CTNND2: variants seen among roughly 807,000 people sequenced by gnomAD.
CTNND2 encodes catenin delta 2, also known as catenin delta-2.
In CTNND2, 22 loss-of-function variants were observed where a neutral mutation model predicts 144.4. The ratio of observed to expected loss-of-function variants is 0.15; its 90% CI spans 0.11 to 0.22. CTNND2 has a LOEUF of 0.22. CTNND2 is among the 10% of genes least tolerant of loss of function. The pLI, the probability that CTNND2 is intolerant of heterozygous loss-of-function variation, is 1.00. For missense variants in CTNND2, 1,353 were observed against 1,618.8 expected (o/e 0.84, Z 2.82); for synonymous variants, 751 against 695.6 (o/e 1.08, Z -1.25).
chr5:11,806,290 C>T (rs1791992413), intron 1 of CTNND2, among the ~76,000 whole-genome samples: 1 of 152,082 alleles, frequency 6.6e-6, no homozygotes, highest in Non-Finnish European at 1.5e-5. Context: ...GTACTATCTT[C>T]TCAACTTTTC....
chr5:11,198,025 C>T (rs531189939), intron 11 of CTNND2, among the ~76,000 whole-genome samples: 23 of 152,284 alleles, frequency 1.5e-4, no homozygotes, highest in African/African-American at 4.6e-4. Flanking sequence ...TCTTACTGCA[C>T]GGAAGCCTCC....
chr5:11,717,070 G>T (rs1219213274), intron 2 of CTNND2, among the ~76,000 whole-genome samples: 2 of 151,480 alleles, frequency 1.3e-5, no homozygotes, highest in African/African-American at 2.4e-5. Flanking sequence ...GTTTCGCCAT[G>T]TTGGCCAGGC....
At chr5:11,688,339 T>C (rs1784750271) in intron 2 of CTNND2, among the ~76,000 whole-genome samples, 1 of 152,038 alleles carries the variant, frequency 6.6e-6, no homozygotes, top group South Asian at 2.1e-4. Flanking sequence ...TGTGGGTTAC[T>C]CAGCAGGCAG....
intron 15 of CTNND2, among the ~76,000 whole-genome samples, chr5:11,096,010 G>C (rs1009806620): frequency 2.0e-5 from 3 of 151,864 alleles, no homozygotes; most frequent in African/African-American, 7.3e-5. Flanking sequence ...GAGGTCACTT[G>C]AAGCTCACTG....
chr5:11,765,560 T>C (rs1789533508), intron 1 of CTNND2, among the ~76,000 whole-genome samples: 1 of 152,192 alleles, frequency 6.6e-6, no homozygotes, highest in Non-Finnish European at 1.5e-5. Flanking sequence ...TAAAATATTT[T>C]GTATGTGAGG....
chr5:11,428,501 A>G (rs1762993541), intron 3 of CTNND2, among the ~76,000 whole-genome samples: 1 of 152,106 alleles, frequency 6.6e-6, no homozygotes, highest in African/African-American at 2.4e-5. Context: ...TTTACCCCTT[A>G]TCAAAACAGG....
chr5:11,706,509 G>A (rs1444266074), intron 2 of CTNND2, among the ~76,000 whole-genome samples: 1 of 152,084 alleles, frequency 6.6e-6, no homozygotes, highest in Non-Finnish European at 1.5e-5. Context: ...AATATATAAA[G>A]GCAGATAAGC....
At chr5:11,386,429 T>C (rs1377308062) in intron 6 of CTNND2, among the ~76,000 whole-genome samples, 3 of 152,150 alleles carry the variant, frequency 2.0e-5, no homozygotes, top group Non-Finnish European at 4.4e-5. Context: ...GGAATGGCAA[T>C]TGGCAAATAA....
intron 14 of CTNND2, among the ~76,000 whole-genome samples, chr5:11,104,089 T>G (rs1434105642): frequency 6.6e-6 from 1 of 152,216 alleles, no homozygotes; most frequent in Non-Finnish European, 1.5e-5. Context: ...CTTCAGAACA[T>G]AAACAGAAAA....
intron 3 of CTNND2, among the ~76,000 whole-genome samples, chr5:11,525,763 G>T (rs772777418): frequency 9.9e-5 from 15 of 152,168 alleles, no homozygotes; most frequent in Non-Finnish European, 1.6e-4. Flanking sequence ...AGTGTGTGTG[G>T]GTGTGTGTGA....
chr5:11,463,665 C>A (rs1581250840), intron 3 of CTNND2, among the ~76,000 whole-genome samples: 1 of 150,988 alleles, frequency 6.6e-6, no homozygotes, highest in East Asian at 1.9e-4. Context: ...CCTGAGAGAG[C>A]ACACATGGGG....
intron 9 of CTNND2, among the ~76,000 whole-genome samples, chr5:11,321,505 C>T (rs1561214802): frequency 6.6e-6 from 1 of 152,182 alleles, no homozygotes; most frequent in Admixed American, 6.5e-5. Context: ...GCACATATTG[C>T]TATTTAAGAA....
chr5:11,786,531 A>G (rs970967701), intron 1 of CTNND2, among the ~76,000 whole-genome samples: 1 of 152,242 alleles, frequency 6.6e-6, no homozygotes, highest in Admixed American at 6.5e-5. Flanking sequence ...ATTCTTCCCT[A>G]AAATCAGGAA....
chr5:11,782,367 G>T (rs530275462), intron 1 of CTNND2, among the ~76,000 whole-genome samples: 1 of 151,236 alleles, frequency 6.6e-6, no homozygotes, highest in East Asian at 2.0e-4. Flanking sequence ...CTGACCTTTT[G>T]TAAACTTACT....
At chr5:11,599,374 T>A (rs1779670389) in intron 2 of CTNND2, among the ~76,000 whole-genome samples, 1 of 152,162 alleles carries the variant, frequency 6.6e-6, no homozygotes, top group African/African-American at 2.4e-5. Flanking sequence ...GAACAGGTAT[T>A]TCATTTCTAA....
chr5:11,116,295 C>T lies in CTNND2; in HGVS notation c.2277+1155G>A, dbSNP rs1388564744. Among the ~76,000 whole-genome samples the T allele has an allele frequency of 2.0e-5, 3 of 152,138 alleles. No individual in the cohort carries two copies. In the South Asian group the frequency reaches 6.2e-4, roughly 32 times the overall value. On this transcript the variant is annotated intron_variant, in intron 13 of 21. Coordinates refer to ENST00000304623, the MANE Select transcript of CTNND2 (RefSeq NM_001332.4). ...TGTCTGGAGACACTGTTGTTTGTTA[C>T]TGGGGTGGGGATGGGGGCTGCTACT...
intron 3 of CTNND2, among the ~76,000 whole-genome samples, chr5:11,530,043 A>G (rs1773601508): frequency 6.7e-6 from 1 of 150,170 alleles, no homozygotes; most frequent in African/African-American, 2.5e-5. Context: ...TAGTTTCCGA[A>G]ACCAAAAATG....
intron 2 of CTNND2, among the ~76,000 whole-genome samples, chr5:11,720,635 G>T (rs190424167): frequency 1.3e-5 from 2 of 152,090 alleles, no homozygotes; most frequent in Admixed American, 1.3e-4. Flanking sequence ...CACAGGTGTG[G>T]GTATGCTGCC....
intron 3 of CTNND2, among the ~76,000 whole-genome samples, chr5:11,431,548 G>A (rs1258441432): frequency 6.6e-6 from 1 of 152,128 alleles, no homozygotes; most frequent in African/African-American, 2.4e-5. Context: ...TCATATGACC[G>A]AATGCTTCTT....
Sources: gnomAD v4.1 joint callset for allele counts (sites outside exome capture counted in the v4.1 genomes callset) on GRCh38, gnomAD v4.1.1 for gene constraint, MANE v1.5 for transcripts, NCBI Gene and HGNC (gene_info 2026-07-23, HGNC 2026-07-21) for gene names.